The following STXBP5L variants were observed in gnomAD, a reference collection of about 807,000 sequenced individuals.
STXBP5L encodes the protein syntaxin-binding protein 5-like.
Under a neutral mutation model 144.5 loss-of-function variants are expected in STXBP5L, and 65 were observed. The ratio of observed to expected loss-of-function variants is 0.45; its 90% CI spans 0.37 to 0.55. The LOEUF (loss-of-function observed/expected upper bound fraction) is 0.55. STXBP5L is among the 20% of genes least tolerant of loss of function. The probability of loss-of-function intolerance (pLI) is 0.00; values close to 1 mark genes in which losing one functional copy is unlikely to be tolerated. For synonymous variants in STXBP5L, 505 were observed against 469.6 expected, an observed-to-expected ratio of 1.08 and a Z score of -0.97; for missense variants, 1,298 against 1,405.5, an observed-to-expected ratio of 0.92 and a Z score of 1.22.
At chr3:121,315,865 G>T (rs956037026) in intron 19 of STXBP5L, among the ~76,000 whole-genome samples, 1 of 151,866 alleles carries the variant, frequency 6.6e-6, no homozygotes, top group African/African-American at 2.4e-5. Context: ...AGCTGGGCTT[G>T]GTGGCACACA....
intron 7 of STXBP5L, among the ~76,000 whole-genome samples, chr3:121,130,052 A>G (rs1468024632): frequency 6.6e-6 from 1 of 152,144 alleles, no homozygotes; most frequent in Admixed American, 6.6e-5. Context: ...ACTAATTTTT[A>G]TATCACCCAA....
At chr3:121,017,845 G>A (rs553964168) in intron 3 of STXBP5L, among the ~76,000 whole-genome samples, 7 of 152,272 alleles carry the variant, frequency 4.6e-5, no homozygotes, top group East Asian at 3.9e-4. Context: ...GGGAGGCTGA[G>A]GCAGGAGGAT....
At chr3:121,391,197 A>G (rs537862929) in intron 22 of STXBP5L, among the ~76,000 whole-genome samples, 1 of 152,208 alleles carries the variant, frequency 6.6e-6, no homozygotes, top group African/African-American at 2.4e-5. Flanking sequence ...AAGCTTGTGC[A>G]TGTGTCATGA....
chr3:121,086,148 T>C (rs2042480497), intron 5 of STXBP5L, among the ~76,000 whole-genome samples: 1 of 152,200 alleles, frequency 6.6e-6, no homozygotes, highest in African/African-American at 2.4e-5. Context: ...TTATACCTTA[T>C]AGAAAAATTA....
chr3:121,034,017 G>A (rs1308828681), intron 3 of STXBP5L, among the ~76,000 whole-genome samples: 1 of 151,936 alleles, frequency 6.6e-6, no homozygotes, highest in Admixed American at 6.6e-5. Context: ...TACTAAAATA[G>A]CACTAGGAAA....
Position 121,140,758 on chromosome 3 carries a change from A to G in STXBP5L, c.670-11719A>G, listed in dbSNP as rs539363224. On this transcript the variant is annotated intron_variant, in intron 7 of 26. Coordinates refer to ENST00000471454, the MANE Select transcript of STXBP5L (RefSeq NM_001308330.2). ...GGTGGTTAATGAGGAGGAATGGATG[A>G]GGACATGTTGGTCAAAGAATAACAT... is the stretch of plus-strand genomic sequence containing the variant. Among the ~76,000 whole-genome samples, 3 of 152,322 alleles carry G rather than the reference A, an allele frequency of 2.0e-5. No individual in the cohort carries two copies. The East Asian group carries it at 5.8e-4, about 29-fold the overall frequency.
At chr3:121,043,300 C>T (rs997408048) in intron 4 of STXBP5L, among the ~76,000 whole-genome samples, 2 of 152,040 alleles carry the variant, frequency 1.3e-5, no homozygotes, top group African/African-American at 2.4e-5. Context: ...TATAAATGAA[C>T]CTAGACACTG....
intron 3 of STXBP5L, among the ~76,000 whole-genome samples, chr3:120,969,339 C>G (rs974808495): frequency 2.1e-5 from 3 of 145,350 alleles, no homozygotes; most frequent in Admixed American, 2.1e-4. Flanking sequence ...GGTTGTGTAT[C>G]TTTTTTGAGA....
intron 3 of STXBP5L, among the ~76,000 whole-genome samples, chr3:121,033,999 A>G (rs1395229528): frequency 2.6e-5 from 4 of 152,116 alleles, no homozygotes; most frequent in Non-Finnish European, 5.9e-5. Context: ...AGTCTTTTGG[A>G]TAGTAACTAC....
intron 20 of STXBP5L, chr3:121,356,898 A>C (rs1456414407): frequency 6.5e-6 from 1 of 154,080 alleles, no homozygotes; most frequent in African/African-American, 2.4e-5. Context: ...GCCAGAGCCC[A>C]TTCAAGGGAC....
intron 22 of STXBP5L, among the ~76,000 whole-genome samples, chr3:121,394,605 T>TC (rs1576347570): frequency 2.8e-5 from 3 of 107,158 alleles, no homozygotes; most frequent in African/African-American, 9.9e-5. Context: ...GTTGAGGGTT[T>TC]TTTTTTTTTT....
intron 3 of STXBP5L, among the ~76,000 whole-genome samples, chr3:121,015,263 T>G (rs532349544): frequency 1.3e-5 from 2 of 152,316 alleles, no homozygotes; most frequent in South Asian, 4.1e-4. Flanking sequence ...ATTTTAAAAA[T>G]CAGTTAATTA....
intron 18 of STXBP5L, among the ~76,000 whole-genome samples, chr3:121,271,767 A>G (rs1043106026): frequency 1.6e-4 from 24 of 152,100 alleles, no homozygotes; most frequent in African/African-American, 5.8e-4. Context: ...TTCTCAAACT[A>G]CTCTAAAGAC....
At chr3:121,009,617 C>G (rs1473360666) in intron 3 of STXBP5L, among the ~76,000 whole-genome samples, 1 of 151,900 alleles carries the variant, frequency 6.6e-6, no homozygotes, top group African/African-American at 2.4e-5. Context: ...AAGGAAACAC[C>G]TACATGTTCA....
At chr3:120,984,367 C>G (rs1378930714) in intron 3 of STXBP5L, among the ~76,000 whole-genome samples, 1 of 152,160 alleles carries the variant, frequency 6.6e-6, no homozygotes, top group Non-Finnish European at 1.5e-5. Context: ...ATAGTATTCT[C>G]ATTTTTGAAT....
intron 15 of STXBP5L, among the ~76,000 whole-genome samples, chr3:121,253,081 A>G (rs2108368129): frequency 6.6e-6 from 1 of 152,280 alleles, no homozygotes; most frequent in South Asian, 2.1e-4. Context: ...CTAATTAGGG[A>G]CCTTAATGAT....
intron 19 of STXBP5L, among the ~76,000 whole-genome samples, chr3:121,313,349 C>T (rs2043624820): frequency 7.4e-6 from 1 of 134,412 alleles, no homozygotes; most frequent in Non-Finnish European, 1.6e-5. Context: ...GGGGGCTGAC[C>T]CCCCACCTCC....
At chr3:121,290,901 A>C (rs976237873) in intron 19 of STXBP5L, among the ~76,000 whole-genome samples, 1 of 152,170 alleles carries the variant, frequency 6.6e-6, no homozygotes, top group Non-Finnish European at 1.5e-5. Context: ...AAAACAACTA[A>C]GGGTAATAAA....
At chr3:121,060,980 G>C (rs773606207) in intron 5 of STXBP5L, among the ~76,000 whole-genome samples, 25 of 151,888 alleles carry the variant, frequency 1.6e-4, no homozygotes, top group Admixed American at 3.9e-4. Context: ...CTTCAGTTCT[G>C]CTCTGATCTT....
Sources: allele counts gnomAD v4.1 joint callset (sites outside exome capture counted in the v4.1 genomes callset), GRCh38; gene constraint gnomAD v4.1.1; transcripts MANE v1.5; gene names NCBI Gene and HGNC (gene_info 2026-07-23, HGNC 2026-07-21).